The following KAZN variants were observed in gnomAD, a reference collection of about 807,000 sequenced individuals.
The protein encoded by KAZN is kazrin, periplakin interacting protein, also known as kazrin.
In KAZN, 40 loss-of-function variants were observed where a neutral mutation model predicts 87.4. The observed-to-expected ratio is 0.46, with a 90% CI of 0.36 to 0.60. The LOEUF (loss-of-function observed/expected upper bound fraction) is 0.60. KAZN is among the 20% of genes least tolerant of loss of function. The pLI is 0.00. For synonymous variants in KAZN, 466 were observed against 458.3 expected (o/e 1.02, Z -0.22); for missense variants, 898 against 1,073.9 (o/e 0.84, Z 2.29).
chr1:14,399,792 T>A (rs958933670), intron 2 of KAZN, among the ~76,000 whole-genome samples: 4 of 151,260 alleles, frequency 2.6e-5, no homozygotes, highest in Non-Finnish European at 4.4e-5. Context: ...CAGGAAGGCT[T>A]CCCCGAGGCT....
chr1:14,170,800 C>A (rs1645939187), intron 1 of KAZN, among the ~76,000 whole-genome samples: 1 of 152,162 alleles, frequency 6.6e-6, no homozygotes, highest in Admixed American at 6.5e-5. Context: ...CAGCTCACTG[C>A]AACCTCTACC....
chr1:14,877,425 C>T (rs1447376075), intron 1 of KAZN, among the ~76,000 whole-genome samples: 2 of 152,210 alleles, frequency 1.3e-5, no homozygotes, highest in African/African-American at 2.4e-5. Flanking sequence ...GCATGATAGA[C>T]ATGCATCATG....
chr1:14,991,779 G>T lies in KAZN; in HGVS notation c.418+30904G>T, dbSNP rs144000801. ...CCTGCAGCAGATTCCGCCCTGGACC[G>T]CCAGAGCCTGGTCCCACGTGTCTTA... On this transcript the variant is annotated intron_variant, in intron 2 of 14. Coordinates refer to ENST00000376030, the MANE Select transcript of KAZN (RefSeq NM_201628.3). Among the ~76,000 whole-genome samples the T allele has an allele frequency of 2.0e-5, 3 of 152,166 alleles. No individual in the cohort carries two copies. The South Asian group carries it at 6.2e-4, about 32-fold the overall frequency.
At chr1:14,019,533 A>G (rs969708347) in intron 1 of KAZN, among the ~76,000 whole-genome samples, 2 of 152,106 alleles carry the variant, frequency 1.3e-5, no homozygotes, top group African/African-American at 4.8e-5. Context: ...CCTTTCCTCC[A>G]CCATGACCAG....
At chr1:14,414,136 T>C (rs545594559) in intron 2 of KAZN, among the ~76,000 whole-genome samples, 1 of 152,304 alleles carries the variant, frequency 6.6e-6, no homozygotes, top group African/African-American at 2.4e-5. Context: ...TTGGTGAGGA[T>C]GTAGAGACAT....
chr1:13,926,184 C>T (rs939945488), intron 1 of KAZN, among the ~76,000 whole-genome samples: 5 of 152,082 alleles, frequency 3.3e-5, no homozygotes, highest in African/African-American at 9.7e-5. Flanking sequence ...TTGCTGACTC[C>T]GACAGCACTT....
At chr1:14,469,379 T>C (rs1668327454) in intron 2 of KAZN, among the ~76,000 whole-genome samples, 1 of 152,206 alleles carries the variant, frequency 6.6e-6, no homozygotes, top group African/African-American at 2.4e-5. Flanking sequence ...CACACACAGC[T>C]AGTGAAAACT....
At chr1:14,406,371 T>C (rs1663854052) in intron 2 of KAZN, among the ~76,000 whole-genome samples, 2 of 152,188 alleles carry the variant, frequency 1.3e-5, no homozygotes, top group Admixed American at 6.5e-5. Flanking sequence ...AAAAAAAGAA[T>C]GAGTTAATGG....
intron 1 of KAZN, among the ~76,000 whole-genome samples, chr1:13,983,655 T>C (rs868048412): frequency 1.3e-5 from 2 of 152,114 alleles, no homozygotes; most frequent in South Asian, 4.1e-4. Flanking sequence ...GCCGCCAAAG[T>C]GGGAGCCTAC....
chr1:14,585,983 G>T (rs1454975741), intron 2 of KAZN, among the ~76,000 whole-genome samples: 3 of 152,200 alleles, frequency 2.0e-5, no homozygotes, highest in Non-Finnish European at 4.4e-5. Context: ...GGTCCCTCCT[G>T]GGAGATCAAA....
intron 2 of KAZN, among the ~76,000 whole-genome samples, chr1:14,507,683 T>C (rs1211370924): frequency 6.6e-6 from 1 of 152,176 alleles, no homozygotes; most frequent in Non-Finnish European, 1.5e-5. Context: ...CTTTTCTTAA[T>C]TGAAAGCCTT....
intron 2 of KAZN, among the ~76,000 whole-genome samples, chr1:15,009,144 A>G (rs1281765988): frequency 6.6e-6 from 1 of 152,136 alleles, no homozygotes; most frequent in Non-Finnish European, 1.5e-5. Context: ...CGGGCAGCCT[A>G]CTGCCCGGGC....
At chr1:14,019,290 C>G (rs1450855154) in intron 1 of KAZN, among the ~76,000 whole-genome samples, 1 of 152,076 alleles carries the variant, frequency 6.6e-6, no homozygotes, top group Non-Finnish European at 1.5e-5. Context: ...AATTCCAATA[C>G]CCTATGATAA....
intron 2 of KAZN, among the ~76,000 whole-genome samples, chr1:14,260,195 A>G (rs553603770): frequency 1.3e-5 from 2 of 152,288 alleles, no homozygotes; most frequent in Admixed American, 1.3e-4. Flanking sequence ...CTAGATACCA[A>G]GGAGACAGCA....
intron 1 of KAZN, among the ~76,000 whole-genome samples, chr1:13,992,673 T>A (rs2101114527): frequency 6.6e-6 from 1 of 152,242 alleles, no homozygotes; most frequent in South Asian, 2.1e-4. Flanking sequence ...CAGGAGGCAC[T>A]CTCAGCTCTC....
At chr1:14,270,468 C>G (rs1651830092) in intron 2 of KAZN, among the ~76,000 whole-genome samples, 1 of 152,192 alleles carries the variant, frequency 6.6e-6, no homozygotes, top group Admixed American at 6.5e-5. Flanking sequence ...TCACCCATTA[C>G]ATGCATTAAG....
chr1:15,100,335 A>C (rs1641002314), intron 10 of KAZN, among the ~76,000 whole-genome samples: 1 of 152,146 alleles, frequency 6.6e-6, no homozygotes, highest in South Asian at 2.1e-4. Context: ...CCTCAGCAGG[A>C]GGGTGGCATG....
At chr1:14,366,394 T>C (rs1344955275) in intron 2 of KAZN, among the ~76,000 whole-genome samples, 1 of 152,246 alleles carries the variant, frequency 6.6e-6, no homozygotes, top group Non-Finnish European at 1.5e-5. Context: ...AAATGGTCAG[T>C]CTTTCTCTGT....
rs552582559 is a variant in KAZN, at chr1:14,919,251, A to G, written c.227-41433A>G. Reference sequence around the variant, plus strand: ...GAGTGCAGTGGCACGATCTCGGCTCACTGCAACCTCCGCCTCCCAGGTTCA... The same window carrying G: ...GAGTGCAGTGGCACGATCTCGGCTCGCTGCAACCTCCGCCTCCCAGGTTCA... On this transcript the variant is annotated intron_variant, in intron 1 of 14. Coordinates refer to ENST00000376030, the MANE Select transcript of KAZN (RefSeq NM_201628.3). Among the ~76,000 whole-genome samples the G allele has an allele frequency of 5.3e-5, 8 of 152,244 alleles. No homozygotes were observed. The South Asian group carries it at 1.7e-3, about 32-fold the overall frequency.
Sources: allele counts gnomAD v4.1 joint callset (sites outside exome capture counted in the v4.1 genomes callset), GRCh38; gene constraint gnomAD v4.1.1; transcripts MANE v1.5; gene names NCBI Gene and HGNC (gene_info 2026-07-23, HGNC 2026-07-21).